NR6A1: variants seen among roughly 807,000 people sequenced by gnomAD.
NR6A1 encodes retinoic acid receptor-related testis-associated receptor.
Under a neutral mutation model 59.1 loss-of-function variants are expected in NR6A1, and 7 were observed. The observed-to-expected ratio is 0.12, with a 90% CI of 0.07 to 0.22. The LOEUF (loss-of-function observed/expected upper bound fraction) is 0.22. Among genes scored for constraint, NR6A1 ranks in the 10% least tolerant of loss-of-function variants. The probability of loss-of-function intolerance (pLI) is 1.00; values close to 1 mark genes in which losing one functional copy is unlikely to be tolerated. For synonymous variants in NR6A1, 243 were observed against 236.1 expected, an observed-to-expected ratio of 1.03 and a Z score of -0.27; for missense variants, 468 against 611.6, an observed-to-expected ratio of 0.77 and a Z score of 2.48.
intron 2 of NR6A1, among the ~76,000 whole-genome samples, chr9:124,559,669 C>T (rs1019695698): frequency 6.6e-6 from 1 of 152,036 alleles, no homozygotes. Flanking sequence ...CCCAGCGACT[C>T]GGGAGGCTGA....
At chr9:124,692,691 G>C (rs1306996216) in intron 2 of NR6A1, 1 of 246,366 alleles carries the variant, frequency 4.1e-6, no homozygotes, top group African/African-American at 2.3e-5. Context: ...CTTGCTTTCT[G>C]TTGTGTGTTT....
At chr9:124,624,761 G>A (rs1439274955) in intron 2 of NR6A1, among the ~76,000 whole-genome samples, 1 of 152,182 alleles carries the variant, frequency 6.6e-6, no homozygotes, top group Non-Finnish European at 1.5e-5. Flanking sequence ...TGCAGCTTGC[G>A]CAGTGCTCTG....
intron 2 of NR6A1, among the ~76,000 whole-genome samples, chr9:124,647,494 G>A (rs2130914180): frequency 6.6e-6 from 1 of 152,222 alleles, no homozygotes; most frequent in South Asian, 2.1e-4. Flanking sequence ...CTGGGAGGCT[G>A]AGGTGGGTGC....
intron 1 of NR6A1, among the ~76,000 whole-genome samples, chr9:124,767,318 T>C (rs780744007): frequency 1.8e-4 from 28 of 152,144 alleles, no homozygotes; most frequent in South Asian, 1.2e-3. Context: ...TCAGAATGAA[T>C]TATAGATTAG....
intron 2 of NR6A1, among the ~76,000 whole-genome samples, chr9:124,607,703 A>C (rs879843822): frequency 6.6e-6 from 1 of 152,188 alleles, no homozygotes; most frequent in Non-Finnish European, 1.5e-5. Context: ...GGCAAACAGT[A>C]AATTTTCAAT....
At chr9:124,739,036 TG>T (rs1433605020) in intron 1 of NR6A1, among the ~76,000 whole-genome samples, 1 of 147,226 alleles carries the variant, frequency 6.8e-6, no homozygotes, top group African/African-American at 2.5e-5. Flanking sequence ...AAAAATTAGC[TG>T]GGCTAATTTT....
intron 3 of NR6A1, among the ~76,000 whole-genome samples, chr9:124,550,134 T>C (rs1833727210): frequency 6.6e-6 from 1 of 152,192 alleles, no homozygotes; most frequent in South Asian, 2.1e-4. Context: ...CTTCTCAGTG[T>C]TTCATATCAG....
At chr9:124,653,049 T>C (rs761391092) in intron 2 of NR6A1, among the ~76,000 whole-genome samples, 1 of 152,214 alleles carries the variant, frequency 6.6e-6, no homozygotes, top group Non-Finnish European at 1.5e-5. Context: ...ATTTGTGCTT[T>C]TTTTTCCCTT....
intron 4 of NR6A1, among the ~76,000 whole-genome samples, chr9:124,542,291 A>G (rs1202110847): frequency 6.6e-6 from 1 of 152,246 alleles, no homozygotes; most frequent in Non-Finnish European, 1.5e-5. Flanking sequence ...TTAGAAAAAA[A>G]GAATAAACAC....
In NR6A1 at chr9:124,622,744, C is replaced by T. The variant is rs1469581879; in HGVS notation, c.143-68174G>A. Among the ~76,000 whole-genome samples the T allele has an allele frequency of 3.3e-5, 5 of 151,606 alleles. No individual in the cohort carries two copies. The East Asian group carries it at 7.7e-4, about 23-fold the overall frequency. ...TGGGAATGGGGTAGAGCAACAAAAACACTGGAAAACCTTAAAAAAAAAAGA... is the reference window on the plus strand; with the variant it reads ...TGGGAATGGGGTAGAGCAACAAAAATACTGGAAAACCTTAAAAAAAAAAGA... On this transcript the variant is annotated intron_variant, in intron 2 of 9. Transcript: ENST00000487099.
intron 2 of NR6A1, among the ~76,000 whole-genome samples, chr9:124,657,750 C>CA (rs1837304213): frequency 2.0e-5 from 3 of 152,042 alleles, no homozygotes; most frequent in South Asian, 2.1e-4. Flanking sequence ...TTCCCCCCCC[C>CA]AGCAACCCCT....
chr9:124,631,978 T>A lies in NR6A1; in HGVS notation c.143-77408A>T, dbSNP rs115626727. Reference sequence around the variant, plus strand: ...ATAATGGCCTCCAGCTCCATGTATGTCCCTGCAAAAGACATGATCTTGTAT... The same window carrying A: ...ATAATGGCCTCCAGCTCCATGTATGACCCTGCAAAAGACATGATCTTGTAT... On this transcript the variant is annotated intron_variant, in intron 2 of 9. Coordinates refer to ENST00000487099, the MANE Select transcript of NR6A1 (RefSeq NM_033334.4). Among the ~76,000 whole-genome samples, 1,289 of 152,310 alleles carry A rather than the reference T, an allele frequency of 8.5e-3. 30 individuals carry two copies. Among genetic ancestry groups the A allele is most frequent in the African/African-American group, 0.029 (1,211 of 41,568 alleles).
In NR6A1 at chr9:124,647,284, T is replaced by A. The variant is rs532951926; in HGVS notation, c.142+86024A>T. On this transcript the variant is annotated intron_variant, in intron 2 of 9. Transcript: ENST00000487099. ...TAGACTAAGAAAAAAAAGAGAGAAGTTTCAAATAAAGACCCAAATCAGAGA... is the reference window on the plus strand; with the variant it reads ...TAGACTAAGAAAAAAAAGAGAGAAGATTCAAATAAAGACCCAAATCAGAGA... Among the ~76,000 whole-genome samples the A allele has an allele frequency of 6.0e-4, 91 of 151,856 alleles. 1 individual carries two copies. The South Asian group carries it at 0.018, about 31-fold the overall frequency.
chr9:124,712,384 G>C (rs1839302793), intron 2 of NR6A1, among the ~76,000 whole-genome samples: 1 of 152,050 alleles, frequency 6.6e-6, no homozygotes, highest in Non-Finnish European at 1.5e-5. Flanking sequence ...CGAGGCAAGG[G>C]GACCACTTGA....
intron 2 of NR6A1, among the ~76,000 whole-genome samples, chr9:124,683,120 T>A (rs1041322790): frequency 1.6e-4 from 25 of 152,092 alleles, no homozygotes; most frequent in African/African-American, 5.8e-4. Flanking sequence ...GAGGATCACT[T>A]GAGCTCAGGA....
chr9:124,707,138 A>G (rs534055767), intron 2 of NR6A1, among the ~76,000 whole-genome samples: 2 of 152,212 alleles, frequency 1.3e-5, no homozygotes, highest in Admixed American at 1.3e-4. Flanking sequence ...GAGTCTCATT[A>G]CATACACACT....
chr9:124,743,345 T>C (rs1011629588), intron 1 of NR6A1, among the ~76,000 whole-genome samples: 9 of 152,252 alleles, frequency 5.9e-5, no homozygotes, highest in Non-Finnish European at 1.0e-4. Context: ...CAAGTCCATA[T>C]AGCAAAAGCT....
chr9:124,671,004 T>C (rs950526497), intron 2 of NR6A1, among the ~76,000 whole-genome samples: 1 of 152,112 alleles, frequency 6.6e-6, no homozygotes, highest in Non-Finnish European at 1.5e-5. Flanking sequence ...TTATGCTAAA[T>C]GAAATCACAA....
chr9:124,747,593 A>C (rs1032707609), intron 1 of NR6A1, among the ~76,000 whole-genome samples: 1 of 152,124 alleles, frequency 6.6e-6, no homozygotes, highest in African/African-American at 2.4e-5. Context: ...AATAACCCAT[A>C]GGCTCCATCA....
Sources: allele counts gnomAD v4.1 joint callset (sites outside exome capture counted in the v4.1 genomes callset), GRCh38; gene constraint gnomAD v4.1.1; transcripts MANE v1.5; gene names NCBI Gene and HGNC (gene_info 2026-07-23, HGNC 2026-07-21).